CRTC3: variants seen among roughly 807,000 people sequenced by gnomAD.
The protein encoded by CRTC3 is CREB-regulated transcription coactivator 3.
In CRTC3, 26 loss-of-function variants were observed where a neutral mutation model predicts 74.5. That is an observed-to-expected ratio of 0.35 (90% CI 0.26 to 0.48). The LOEUF is 0.48. Ranked by LOEUF, CRTC3 falls within the 20% of genes least tolerant of loss-of-function variation. The pLI, the probability that CRTC3 is intolerant of heterozygous loss-of-function variation, is 0.99. For synonymous variants in CRTC3, 377 were observed against 325.8 expected, an observed-to-expected ratio of 1.16 and a Z score of -1.69; for missense variants, 760 against 787.3, an observed-to-expected ratio of 0.97 and a Z score of 0.41.
intron 2 of CRTC3, among the ~76,000 whole-genome samples, chr15:90,546,981 T>C (rs1489103678): frequency 1.3e-5 from 2 of 152,232 alleles, no homozygotes; most frequent in Admixed American, 6.5e-5. Context: ...TTGGGGATAA[T>C]TGACATCTTT....
chr15:90,593,700 C>T lies in CRTC3; in HGVS notation c.296C>T (p.Ser99Phe). Residue 99 changes from serine (S) to phenylalanine (F), a missense_variant, in exon 3 of 15, where the codon TCC (serine) becomes TTC (phenylalanine). Ser to Phe is a radical substitution (Grantham distance 155). Transcript: ENST00000268184. ...CATCACGGGCTGGTGGAGAGGCCAT[C>T]CAGGAACCGCTTCCACCCCCTCCAC... Reference protein sequence around the residue: ...TRHHGLVERPSRNRFHPLHRR... With the variant: ...TRHHGLVERPFRNRFHPLHRR... 1 of 1,612,548 alleles carries T rather than the reference C, an allele frequency of 6.2e-7. No individual in the cohort carries two copies. The highest frequency in any genetic ancestry group is 1.1e-5 in the South Asian group (1 of 91,004).
At chr15:90,597,614 C>T (rs539158852) in intron 3 of CRTC3, among the ~76,000 whole-genome samples, 212 of 152,256 alleles carry the variant, frequency 1.4e-3, no homozygotes, top group Middle Eastern at 3.4e-3. Flanking sequence ...GGAGCCTGAC[C>T]GTATATATCA....
At position 90,620,092 on chromosome 15, in the gene CRTC3, G is replaced by GC; in HGVS notation, c.749+303dup. Reference sequence around the variant, plus strand: ...GAAGCAGTGTCAGAAGCAGAAACGTGCAGGAATCGAGAGGAGCCTACCAGC... The same window carrying GC: ...GAAGCAGTGTCAGAAGCAGAAACGTGCCAGGAATCGAGAGGAGCCTACCAGC... On this transcript the variant is annotated intron_variant, in intron 9 of 14. Coordinates refer to ENST00000268184, the MANE Select transcript of CRTC3 (RefSeq NM_022769.5). The GC allele has an allele frequency of 1.2e-5, 4 of 324,888 alleles. No homozygotes were observed. The South Asian group carries it at 1.3e-4, about 11-fold the overall frequency. The allele number at this position is 324,888 out of a possible 1,614,324, so 20.1% of individuals were successfully genotyped here.
chr15:90,598,314 T>C, intron 3 of CRTC3: 1 of 653,808 alleles, frequency 1.5e-6, no homozygotes, highest in South Asian at 1.7e-5. Flanking sequence ...GGGCGGGTCT[T>C]GTTTTCAGCT....
intron 1 of CRTC3, among the ~76,000 whole-genome samples, chr15:90,538,559 G>T (rs11635361): frequency 0.65 from 98,168 of 151,986 alleles, 32,567 homozygotes; most frequent in Non-Finnish European, 0.7. Flanking sequence ...TGAAATTTCT[G>T]TCAGTGAGGC....
intron 7 of CRTC3, among the ~76,000 whole-genome samples, chr15:90,617,286 G>A (rs1269880075): frequency 6.6e-6 from 1 of 152,102 alleles, no homozygotes; most frequent in Non-Finnish European, 1.5e-5. Flanking sequence ...TTCCTTCAGT[G>A]ATCGTTATTT....
chr15:90,616,026 AT>A (rs35766109), intron 7 of CRTC3, among the ~76,000 whole-genome samples: 37 of 146,030 alleles, frequency 2.5e-4, no homozygotes, highest in Non-Finnish European at 2.4e-4. Context: ...CACCCAGCTA[AT>A]TTTTTTTTTT....
At chr15:90,547,462 C>A (rs540626386) in intron 2 of CRTC3, among the ~76,000 whole-genome samples, 1 of 152,268 alleles carries the variant, frequency 6.6e-6, no homozygotes, top group South Asian at 2.1e-4. Context: ...TACTAAAGAC[C>A]AATTTTCTAT....
chr15:90,593,311 A>G (rs1367543710), intron 2 of CRTC3, among the ~76,000 whole-genome samples: 2 of 152,182 alleles, frequency 1.3e-5, no homozygotes, highest in Admixed American at 1.3e-4. Context: ...TACCTCTTTT[A>G]CATTTCAAAG....
intron 5 of CRTC3, among the ~76,000 whole-genome samples, chr15:90,604,981 C>G (rs766800484): frequency 1.8e-4 from 28 of 152,128 alleles, no homozygotes; most frequent in Non-Finnish European, 2.9e-4. Flanking sequence ...AAAAATGCAG[C>G]TGAGCATGGT....
chr15:90,539,861 ATAGAG>A, intron 1 of CRTC3, 173 bp from the exon 2 acceptor site: 1 of 595,672 alleles, frequency 1.7e-6, no homozygotes, highest in Non-Finnish European at 2.9e-6. Context: ...CTTTCCGAAA[ATAGAG>A]TAATCAAAAC....
intron 2 of CRTC3, among the ~76,000 whole-genome samples, chr15:90,561,996 C>T (rs1967021385): frequency 6.6e-6 from 1 of 152,186 alleles, no homozygotes; most frequent in Non-Finnish European, 1.5e-5. Context: ...TAGTCAGTGC[C>T]TCAAGGAACT....
chr15:90,598,826 T>A (rs535727272), intron 3 of CRTC3: 13 of 325,002 alleles, frequency 4.0e-5, no homozygotes, highest in Admixed American at 8.8e-5. Flanking sequence ...AAGGATGCGA[T>A]TGGCCAAGGC....
intron 2 of CRTC3, among the ~76,000 whole-genome samples, chr15:90,575,474 C>A (rs1967382389): frequency 6.6e-6 from 1 of 152,180 alleles, no homozygotes; most frequent in East Asian, 1.9e-4. Context: ...AATCTTTGAT[C>A]CATCATGTGC....
At chr15:90,641,685 C>G (rs543713142) in intron 14 of CRTC3, among the ~76,000 whole-genome samples, 1 of 132,928 alleles carries the variant, frequency 7.5e-6, no homozygotes, top group Non-Finnish European at 1.6e-5. Context: ...CAACAGTCTC[C>G]AAAAAAAAAA....
At chr15:90,607,003 T>G in intron 5 of CRTC3, 1 of 163,672 alleles carries the variant, frequency 6.1e-6, no homozygotes, top group Non-Finnish European at 1.3e-5. Context: ...TAGAAACAGC[T>G]ACTCTCAGGT....
In CRTC3 at chr15:90,554,404, T is replaced by C. The variant is rs149879746; in HGVS notation, c.231+14267T>C. ...TTTTAGTAGAGACGGGGTTTCACCATGTTGGCCAGGCTAGTCTCGATCTCC... is the reference window on the plus strand; with the variant it reads ...TTTTAGTAGAGACGGGGTTTCACCACGTTGGCCAGGCTAGTCTCGATCTCC... On this transcript the variant is annotated intron_variant, in intron 2 of 14. Coordinates refer to ENST00000268184, the MANE Select transcript of CRTC3 (RefSeq NM_022769.5). Among the ~76,000 whole-genome samples the C allele has an allele frequency of 9.5e-3, 1,445 of 152,274 alleles. 20 individuals carry two copies. Among genetic ancestry groups the C allele is most frequent in the African/African-American group, 0.033 (1,378 of 41,548 alleles).
chr15:90,599,717 T>A (rs1483097287), intron 3 of CRTC3, among the ~76,000 whole-genome samples: 2 of 152,224 alleles, frequency 1.3e-5, no homozygotes, highest in Non-Finnish European at 2.9e-5. Context: ...TCAGGAAGGT[T>A]AAAATGCTAA....
chr15:90,624,766 G>C (rs929760054), intron 9 of CRTC3: 2 of 152,250 alleles, frequency 1.3e-5, no homozygotes, highest in Non-Finnish European at 2.9e-5. Flanking sequence ...CTCAGACCTG[G>C]CTAGCAGGCC....
Sources: allele counts gnomAD v4.1 joint callset (sites outside exome capture counted in the v4.1 genomes callset), GRCh38; gene constraint gnomAD v4.1.1; transcripts MANE v1.5; gene names NCBI Gene and HGNC (gene_info 2026-07-23, HGNC 2026-07-21).